GRIK3: variants seen among roughly 807,000 people sequenced by gnomAD.
GRIK3 encodes glutamate receptor ionotropic, kainate 3.
Under a neutral mutation model 102.5 loss-of-function variants are expected in GRIK3, and 29 were observed. That is an observed-to-expected ratio of 0.28 (90% CI 0.21 to 0.39). GRIK3 has a LOEUF of 0.39. GRIK3 is among the 10% of genes least tolerant of loss of function. GRIK3 has a pLI of 1.00. For missense variants in GRIK3, 908 were observed against 1,252.4 expected, an observed-to-expected ratio of 0.73 and a Z score of 4.15; for synonymous variants, 511 against 504.9, an observed-to-expected ratio of 1.01 and a Z score of -0.16.
chr1:36,912,405 G>A (rs1641355967), intron 1 of GRIK3, among the ~76,000 whole-genome samples: 1 of 151,906 alleles, frequency 6.6e-6, no homozygotes. Flanking sequence ...TTCTCAATAG[G>A]CCCCAGCAGA....
intron 9 of GRIK3, 35 bp from the exon 10 acceptor site, chr1:36,841,974 T>A (rs1214076620): frequency 1.9e-6 from 3 of 1,565,730 alleles, no homozygotes; most frequent in South Asian, 2.2e-5. Context: ...TGACGAAGAC[T>A]GAGCAGCTAG....
At chr1:36,868,606 T>G (rs543336887) in intron 5 of GRIK3, among the ~76,000 whole-genome samples, 1 of 152,250 alleles carries the variant, frequency 6.6e-6, no homozygotes, top group Admixed American at 6.5e-5. Context: ...GCTACCAACA[T>G]GACATGGACT....
intron 10 of GRIK3, among the ~76,000 whole-genome samples, chr1:36,828,225 G>T (rs1215573675): frequency 6.6e-6 from 1 of 152,120 alleles, no homozygotes; most frequent in Admixed American, 6.5e-5. Flanking sequence ...ACCCTGAAAG[G>T]TTCCTTTCAG....
At chr1:37,003,862 C>T (rs891279073) in intron 1 of GRIK3, among the ~76,000 whole-genome samples, 2 of 152,170 alleles carry the variant, frequency 1.3e-5, no homozygotes, top group African/African-American at 4.8e-5. Context: ...GTGCCCCCCT[C>T]GTCACCCCAC....
At chr1:36,811,261 A>G (rs964943183) in intron 13 of GRIK3, among the ~76,000 whole-genome samples, 6 of 152,268 alleles carry the variant, frequency 3.9e-5, no homozygotes, top group Non-Finnish European at 7.3e-5. Flanking sequence ...AAAAATCTCT[A>G]TAGTGCTGAG....
chr1:36,958,218 G>T (rs111747097), intron 1 of GRIK3, among the ~76,000 whole-genome samples: 1,483 of 73,420 alleles, frequency 0.02, 79 homozygotes, highest in African/African-American at 0.09. Context: ...TCTGTGCCCC[G>T]TGAGCCTGTG....
intron 13 of GRIK3, among the ~76,000 whole-genome samples, chr1:36,809,275 C>A (rs1642534231): frequency 1.3e-5 from 2 of 152,124 alleles, no homozygotes; most frequent in South Asian, 4.2e-4. Context: ...CATCCACACA[C>A]CATGTACATA....
At chr1:36,997,143 A>G (rs1642428654) in intron 1 of GRIK3, among the ~76,000 whole-genome samples, 1 of 152,200 alleles carries the variant, frequency 6.6e-6, no homozygotes, top group African/African-American at 2.4e-5. Flanking sequence ...CTCCACCTCC[A>G]AGGACTTACA....
In GRIK3 at chr1:36,862,850, C is replaced by T. The variant is rs181572468; in HGVS notation, c.787-2833G>A. Among the ~76,000 whole-genome samples, 7 of 152,312 alleles carry T rather than the reference C, an allele frequency of 4.6e-5. No individual in the cohort carries two copies. The East Asian group carries it at 1.4e-3, about 29-fold the overall frequency. ...AACATGTCTGGGACATATCAAACAT[C>T]ATGTATGTGTTTGACACATGTTTAT... On this transcript the variant is annotated intron_variant, in intron 5 of 15. Coordinates refer to ENST00000373091, the MANE Select transcript of GRIK3 (RefSeq NM_000831.4).
At chr1:37,032,222 C>T (rs1247331842) in intron 1 of GRIK3, among the ~76,000 whole-genome samples, 1 of 152,210 alleles carries the variant, frequency 6.6e-6, no homozygotes, top group Non-Finnish European at 1.5e-5. Context: ...CCTGCGCCTT[C>T]CCAGCTTATC....
intron 7 of GRIK3, among the ~76,000 whole-genome samples, chr1:36,857,663 G>T (rs1009528677): frequency 6.6e-6 from 1 of 152,188 alleles, no homozygotes; most frequent in African/African-American, 2.4e-5. Context: ...GTGCCCTAAA[G>T]CCTGTATCTT....
chr1:36,815,952 T>C (rs967011130), intron 13 of GRIK3, among the ~76,000 whole-genome samples: 1 of 151,986 alleles, frequency 6.6e-6, no homozygotes, highest in African/African-American at 2.4e-5. Context: ...GGTGTCACCA[T>C]ATTGGCCAGG....
At chr1:36,981,946 G>A (rs1642253735) in intron 1 of GRIK3, among the ~76,000 whole-genome samples, 1 of 152,192 alleles carries the variant, frequency 6.6e-6, no homozygotes, top group African/African-American at 2.4e-5. Flanking sequence ...CAGAGCACGT[G>A]TGCAAAGGAA....
rs550385699 is a variant in GRIK3 at position 36,846,941 on chromosome 1, C to G, written c.1326+3370G>C. 3.3e-5 allele frequency among the ~76,000 whole-genome samples: 5 copies of G among 152,362 alleles called. No homozygotes were observed. In the South Asian group the frequency reaches 8.3e-4, roughly 25 times the overall value. ...ACTGTGTCACATCCTCTATCCCCAT[C>G]AGGGATACTCCAGAGGTCATTCCCT... On this transcript the variant is annotated intron_variant, in intron 9 of 15. Transcript: ENST00000373091.
chr1:36,901,248 C>T (rs1641229835), intron 1 of GRIK3, among the ~76,000 whole-genome samples: 1 of 152,164 alleles, frequency 6.6e-6, no homozygotes, highest in Non-Finnish European at 1.5e-5. Context: ...AACTACAGAT[C>T]AATATCTCTC....
At chr1:36,903,293 G>T (rs1190042234) in intron 1 of GRIK3, among the ~76,000 whole-genome samples, 2 of 152,178 alleles carry the variant, frequency 1.3e-5, no homozygotes, top group Non-Finnish European at 2.9e-5. Flanking sequence ...CTGTTAGAAT[G>T]GCCAAAATTC....
chr1:36,892,466 T>C (rs1020262942), intron 1 of GRIK3, among the ~76,000 whole-genome samples: 12 of 150,622 alleles, frequency 8.0e-5, no homozygotes, highest in African/African-American at 2.9e-4. Flanking sequence ...AGTGACACTT[T>C]GTCTTTACAA....
chr1:36,961,767 T>G (rs576640700), intron 1 of GRIK3, among the ~76,000 whole-genome samples: 6 of 152,342 alleles, frequency 3.9e-5, no homozygotes, highest in African/African-American at 1.4e-4. Context: ...TTCATTCAAG[T>G]CACATCTCTT....
At chr1:36,941,702 C>T (rs1641721551) in intron 1 of GRIK3, among the ~76,000 whole-genome samples, 1 of 152,212 alleles carries the variant, frequency 6.6e-6, no homozygotes, top group South Asian at 2.1e-4. Flanking sequence ...GCTTTCTAGG[C>T]ATTATCTCCT....
Sources: allele counts gnomAD v4.1 joint callset (sites outside exome capture counted in the v4.1 genomes callset), GRCh38; gene constraint gnomAD v4.1.1; transcripts MANE v1.5; gene names NCBI Gene and HGNC (gene_info 2026-07-23, HGNC 2026-07-21).